LINGO2: variants seen among roughly 807,000 people sequenced by gnomAD.
LINGO2 encodes the protein leucine rich repeat and Ig domain containing 2.
In LINGO2, 14 loss-of-function variants were observed where a neutral mutation model predicts 30.6. The ratio of observed to expected loss-of-function variants is 0.46; its 90% CI spans 0.30 to 0.72. The LOEUF (loss-of-function observed/expected upper bound fraction) is 0.72. LINGO2 is among the 30% of genes least tolerant of loss of function. The pLI is 0.07. For missense variants in LINGO2, 729 were observed against 751.7 expected (o/e 0.97, Z 0.35); for synonymous variants, 317 against 288.5 (o/e 1.10, Z -1.00).
At chr9:28,455,797 C>T (rs1409015552) in intron 2 of LINGO2, among the ~76,000 whole-genome samples, 1 of 152,108 alleles carries the variant, frequency 6.6e-6, no homozygotes, top group African/African-American at 2.4e-5. Context: ...CTGTCTCCCA[C>T]ATCCCCCTGC....
the LINGO2 span, among the ~76,000 whole-genome samples, chr9:28,755,109 A>C: frequency 4.6e-5 from 7 of 152,156 alleles, no homozygotes; most frequent in African/African-American, 7.2e-5. Flanking sequence ...TAAGAAAATA[A>C]ATACTGTAAA....
In LINGO2 at chr9:27,950,699, T is replaced by C. The variant is rs1819263634; in HGVS notation, c.-28A>G. On this transcript the variant is annotated 5_prime_UTR_variant, in exon 6 of 6. The change abolishes the stop of an existing upstream ORF in the 5' untranslated region. Coordinates refer to ENST00000379992, the Ensembl canonical transcript of LINGO2. The stretch of plus-strand genomic sequence containing the variant: ...CTCCACTTCTTAGTCTACACCTTGG[T>C]CACGGGTCTGCATGGAAGGGACACA... The C allele has an allele frequency of 1.3e-6, 2 of 1,485,902 alleles. No individual in the cohort carries two copies. The highest frequency in any genetic ancestry group is 2.4e-5 in the Admixed American group (1 of 41,500). 92.0% of individuals were successfully genotyped at this position (1,485,902 alleles called of 1,614,324 possible).
At chr9:28,673,070 A>ATG (rs1829082835), upstream of LINGO2, among the ~76,000 whole-genome samples, 5 of 152,186 alleles carry the variant, frequency 3.3e-5, no homozygotes, top group African/African-American at 1.2e-4. Flanking sequence ...TGTTGATAAA[A>ATG]CTTACAATAG....
At chr9:28,146,253 G>A (rs1827809351) in intron 4 of LINGO2, among the ~76,000 whole-genome samples, 1 of 152,130 alleles carries the variant, frequency 6.6e-6, no homozygotes, top group Admixed American at 6.5e-5. Flanking sequence ...CTGAGTTTTT[G>A]CTGTCCCTGG....
At chr9:28,736,563 G>A in the LINGO2 span, among the ~76,000 whole-genome samples, 5 of 152,140 alleles carry the variant, frequency 3.3e-5, no homozygotes, top group Non-Finnish European at 7.4e-5. Context: ...GGTCGAGGCA[G>A]GCTGATCGCC....
chr9:29,194,219 G>A, the LINGO2 span, among the ~76,000 whole-genome samples: 1 of 152,226 alleles, frequency 6.6e-6, no homozygotes, highest in East Asian at 1.9e-4. Context: ...AGGGTGGCTG[G>A]GGCATCCAAG....
chr9:28,510,948 A>T (rs1343805082), intron 1 of LINGO2, among the ~76,000 whole-genome samples: 2 of 152,010 alleles, frequency 1.3e-5, no homozygotes, highest in Non-Finnish European at 2.9e-5. Flanking sequence ...CGGGAGAAAG[A>T]TATAGACTGT....
chr9:28,787,848 C>T, the LINGO2 span, among the ~76,000 whole-genome samples: 12 of 152,060 alleles, frequency 7.9e-5, no homozygotes, highest in Non-Finnish European at 1.6e-4. Flanking sequence ...ATATTTTTAA[C>T]TTTAAATTAC....
chr9:28,369,733 G>A (rs17767230), intron 3 of LINGO2, among the ~76,000 whole-genome samples: 13,679 of 152,218 alleles, frequency 0.09, 852 homozygotes, highest in Admixed American at 0.16. Flanking sequence ...AAGAGCTTAA[G>A]GTTTTGATGA....
At chr9:28,706,766 A>C in the LINGO2 span, among the ~76,000 whole-genome samples, 7 of 152,160 alleles carry the variant, frequency 4.6e-5, no homozygotes, top group Non-Finnish European at 7.4e-5. Flanking sequence ...CTTGTGTATC[A>C]CTCATCCACC....
At chr9:28,031,225 T>C (rs932221001) in intron 4 of LINGO2, among the ~76,000 whole-genome samples, 1 of 152,114 alleles carries the variant, frequency 6.6e-6, no homozygotes, top group African/African-American at 2.4e-5. Flanking sequence ...TATTAAAAAT[T>C]TAAGTGGTGG....
the LINGO2 span, among the ~76,000 whole-genome samples, chr9:29,029,383 G>GT: frequency 6.6e-6 from 1 of 152,158 alleles, no homozygotes. Context: ...CTGGTGCACA[G>GT]TAAGTATAGT....
the LINGO2 span, among the ~76,000 whole-genome samples, chr9:29,117,012 T>C: frequency 3.9e-5 from 6 of 152,154 alleles, no homozygotes; most frequent in Non-Finnish European, 8.8e-5. Flanking sequence ...TACCTAAGGT[T>C]TACCTCTCAT....
At chr9:28,795,494 A>T in the LINGO2 span, among the ~76,000 whole-genome samples, 1 of 152,094 alleles carries the variant, frequency 6.6e-6, no homozygotes, top group Non-Finnish European at 1.5e-5. Flanking sequence ...AATTTTCAAA[A>T]ATGTCATGGT....
chr9:28,352,629 T>C (rs1387077053), intron 3 of LINGO2, among the ~76,000 whole-genome samples: 1 of 134,424 alleles, frequency 7.4e-6, no homozygotes, highest in African/African-American at 2.9e-5. Flanking sequence ...AATGACTTTC[T>C]TCACAGAATT....
the LINGO2 span, among the ~76,000 whole-genome samples, chr9:28,982,588 A>C: frequency 6.6e-6 from 1 of 152,006 alleles, no homozygotes; most frequent in Non-Finnish European, 1.5e-5. Context: ...ATAGAATGTA[A>C]TGTTGCAACA....
intron 1 of LINGO2, among the ~76,000 whole-genome samples, chr9:28,514,507 T>G (rs1820539988): frequency 6.6e-6 from 1 of 152,204 alleles, no homozygotes; most frequent in Non-Finnish European, 1.5e-5. Flanking sequence ...GAGAAAGTTT[T>G]AGTCATCTGG....
At chr9:29,011,040 C>A in the LINGO2 span, among the ~76,000 whole-genome samples, 1 of 152,146 alleles carries the variant, frequency 6.6e-6, no homozygotes, top group Non-Finnish European at 1.5e-5. Context: ...AGAATGGGAA[C>A]AACATTTATC....
intron 4 of LINGO2, among the ~76,000 whole-genome samples, chr9:28,155,558 T>C (rs1166652590): frequency 1.3e-5 from 2 of 152,146 alleles, no homozygotes; most frequent in African/African-American, 4.8e-5. Flanking sequence ...GGAAATGAAG[T>C]TTTTTCTAAA....
Sources: allele counts gnomAD v4.1 joint callset (sites outside exome capture counted in the v4.1 genomes callset), GRCh38; gene constraint gnomAD v4.1.1; transcripts MANE v1.5; gene names NCBI Gene and HGNC (gene_info 2026-07-23, HGNC 2026-07-21).